Variants in GRM8 observed in about 807,000 individuals in gnomAD.
GRM8 encodes glutamate metabotropic receptor 8.
In GRM8, 47 loss-of-function variants were observed where a neutral mutation model predicts 87.2. That is an observed-to-expected ratio of 0.54 (90% CI 0.43 to 0.69). The LOEUF (loss-of-function observed/expected upper bound fraction) is 0.69. Ranked by LOEUF, GRM8 falls within the 30% of genes least tolerant of loss-of-function variation. The pLI, the probability that GRM8 is intolerant of heterozygous loss-of-function variation, is 0.00. For synonymous variants in GRM8, 396 were observed against 404.5 expected (o/e 0.98, Z 0.25); for missense variants, 1,019 against 1,139.2 (o/e 0.89, Z 1.52).
At chr7:126,934,637 A>C (rs1806103905) in intron 3 of GRM8, among the ~76,000 whole-genome samples, 1 of 152,152 alleles carries the variant, frequency 6.6e-6, no homozygotes. Context: ...ATGGGCAGAA[A>C]CTAGAATGGC....
chr7:126,937,976 T>G (rs1182602593), intron 3 of GRM8, among the ~76,000 whole-genome samples: 1 of 152,266 alleles, frequency 6.6e-6, no homozygotes, highest in South Asian at 2.1e-4. Context: ...CAGAGACTAT[T>G]CATTATCTCC....
chr7:127,114,434 G>A (rs1826577838), intron 2 of GRM8, among the ~76,000 whole-genome samples: 1 of 152,124 alleles, frequency 6.6e-6, no homozygotes, highest in South Asian at 2.1e-4. Context: ...TGCACAAAAG[G>A]GGCCTGTGGT....
chr7:126,547,962 T>G (rs1817340789), intron 8 of GRM8, among the ~76,000 whole-genome samples: 1 of 150,694 alleles, frequency 6.6e-6, no homozygotes, highest in Non-Finnish European at 1.5e-5. Context: ...GAGGGGGAGT[T>G]GGCTACAGGA....
At chr7:126,995,734 G>A (rs1207136372) in intron 3 of GRM8, among the ~76,000 whole-genome samples, 1 of 151,918 alleles carries the variant, frequency 6.6e-6, no homozygotes, top group Non-Finnish European at 1.5e-5. Flanking sequence ...AGCTTCAAAA[G>A]GGCAAATCTA....
At chr7:126,839,953 G>C (rs1368434714) in intron 6 of GRM8, among the ~76,000 whole-genome samples, 1 of 152,066 alleles carries the variant, frequency 6.6e-6, no homozygotes, top group Non-Finnish European at 1.5e-5. Flanking sequence ...GCCCAATATG[G>C]AGCTTTCTAG....
At chr7:126,911,477 CA>C (rs1048393650) in intron 3 of GRM8, among the ~76,000 whole-genome samples, 3 of 152,150 alleles carry the variant, frequency 2.0e-5, no homozygotes, top group African/African-American at 7.2e-5. Context: ...TAACGGGTGC[CA>C]ATTGTTAAGC....
At chr7:127,072,990 C>CCCTTTTT (rs68188538) in intron 3 of GRM8, among the ~76,000 whole-genome samples, 52,261 of 150,622 alleles carry the variant, frequency 0.35, 9,441 homozygotes, top group Non-Finnish European at 0.41. Flanking sequence ...TTTCCCTTTT[C>CCCTTTTT]CTTCAAAAAG....
At chr7:127,015,938 T>A (rs924029639) in intron 3 of GRM8, among the ~76,000 whole-genome samples, 2 of 152,108 alleles carry the variant, frequency 1.3e-5, no homozygotes, top group Non-Finnish European at 2.9e-5. Flanking sequence ...TTTAAGACAT[T>A]TGAGAGAATG....
chr7:126,761,098 T>C (rs1328571548), intron 7 of GRM8, among the ~76,000 whole-genome samples: 3 of 151,924 alleles, frequency 2.0e-5, no homozygotes, highest in African/African-American at 7.3e-5. Flanking sequence ...CTGGGGACGC[T>C]GAGGAAAGAG....
At chr7:126,554,708 T>C (rs923080416) in intron 8 of GRM8, among the ~76,000 whole-genome samples, 1 of 152,100 alleles carries the variant, frequency 6.6e-6, no homozygotes, top group African/African-American at 2.4e-5. Flanking sequence ...ATAGAAAGTA[T>C]AGTTAAACAA....
At chr7:126,902,380 T>C (rs1033327453) in intron 6 of GRM8, among the ~76,000 whole-genome samples, 162 bp downstream of exon 6, 7 of 152,190 alleles carry the variant, frequency 4.6e-5, no homozygotes, top group South Asian at 2.1e-4. Context: ...TTTAAGTTTG[T>C]TGAATGATCA....
At chr7:126,515,474 A>T (rs932310606) in intron 9 of GRM8, among the ~76,000 whole-genome samples, 2 of 152,142 alleles carry the variant, frequency 1.3e-5, no homozygotes, top group Non-Finnish European at 2.9e-5. Context: ...TATTGCTGTT[A>T]TAACAAAATT....
chr7:126,716,724 C>G (rs1449449586), intron 7 of GRM8, among the ~76,000 whole-genome samples: 1 of 152,146 alleles, frequency 6.6e-6, no homozygotes, highest in Non-Finnish European at 1.5e-5. Context: ...TTCTAAGGAT[C>G]TCTCTACTCT....
chr7:126,849,984 T>C (rs1797070163), intron 6 of GRM8, among the ~76,000 whole-genome samples: 1 of 152,206 alleles, frequency 6.6e-6, no homozygotes, highest in Admixed American at 6.5e-5. Context: ...CAGCCCTCTT[T>C]TGATACTACT....
chr7:126,697,394 C>T (rs1809501136), intron 7 of GRM8, among the ~76,000 whole-genome samples: 1 of 152,036 alleles, frequency 6.6e-6, no homozygotes, highest in African/African-American at 2.4e-5. Flanking sequence ...ATTTTAGGTG[C>T]TGTTACCACC....
intron 3 of GRM8, among the ~76,000 whole-genome samples, chr7:126,938,167 C>T (rs1284881553): frequency 6.6e-6 from 1 of 152,000 alleles, no homozygotes; most frequent in Non-Finnish European, 1.5e-5. Flanking sequence ...ATTTTTTGTC[C>T]TTAACTTTCT....
At position 126,650,346 on chromosome 7, in the gene GRM8, G is replaced by A. The variant is rs570689288; in HGVS notation, c.1358-40848C>T. On this transcript the variant is annotated intron_variant, in intron 7 of 10. Transcript: ENST00000339582. Reference sequence around the variant, plus strand: ...GAGTTCCCTATAATCAGTTGACAGAGGAAGAGAAGACCAGGGCCTCGTTCA... The same window carrying A: ...GAGTTCCCTATAATCAGTTGACAGAAGAAGAGAAGACCAGGGCCTCGTTCA... 1.6e-4 allele frequency among the ~76,000 whole-genome samples: 24 copies of A among 152,286 alleles called. No homozygotes were observed. In the South Asian group the frequency reaches 5.0e-3, roughly 32 times the overall value.
intron 3 of GRM8, among the ~76,000 whole-genome samples, chr7:127,100,690 C>A (rs989795129): frequency 3.9e-5 from 6 of 152,272 alleles, no homozygotes; most frequent in Non-Finnish European, 7.4e-5. Flanking sequence ...AACCATCAGA[C>A]CTCATGAGTC....
intron 9 of GRM8, among the ~76,000 whole-genome samples, chr7:126,460,350 C>T (rs1315973738): frequency 1.3e-5 from 2 of 151,584 alleles, no homozygotes; most frequent in Non-Finnish European, 3.0e-5. Context: ...CAAATTGGCA[C>T]TAAGAGCCCC....
Sources: allele counts gnomAD v4.1 joint callset (sites outside exome capture counted in the v4.1 genomes callset), GRCh38; gene constraint gnomAD v4.1.1; transcripts MANE v1.5; gene names NCBI Gene and HGNC (gene_info 2026-07-23, HGNC 2026-07-21).